Variants in SORT1 observed in about 807,000 individuals in gnomAD.
The protein encoded by SORT1 is sortilin 1.
Under a neutral mutation model 101.7 loss-of-function variants are expected in SORT1, and 39 were observed. That is an observed-to-expected ratio of 0.38 (90% confidence interval 0.30 to 0.50). The LOEUF is 0.50. Among genes scored for constraint, SORT1 ranks in the 20% least tolerant of loss-of-function variants. The pLI, the probability that SORT1 is intolerant of heterozygous loss-of-function variation, is 0.90. For missense variants in SORT1, 878 were observed against 1,040.4 expected (o/e 0.84, Z 2.15); for synonymous variants, 396 against 393.7 (o/e 1.01, Z -0.07).
At chr1:109,355,314 G>T in intron 4 of SORT1, 53 bp downstream of exon 4, 2 of 872,334 alleles carry the variant, frequency 2.3e-6, no homozygotes, top group Non-Finnish European at 4.0e-6. Context: ...ATATCTGACA[G>T]CTCTGCATGT....
intron 1 of SORT1, among the ~76,000 whole-genome samples, chr1:109,396,474 C>A (rs1022352628): frequency 1.3e-5 from 2 of 152,174 alleles, no homozygotes; most frequent in African/African-American, 2.4e-5. Flanking sequence ...GCTTGGCTAC[C>A]TTTACACAGC....
At chr1:109,367,372 T>G in intron 3 of SORT1, 36 bp downstream of exon 3, 1 of 1,185,004 alleles carries the variant, frequency 8.4e-7, no homozygotes, top group Non-Finnish European at 1.2e-6. Flanking sequence ...TCAATGTTAC[T>G]TAGTGAAATG....
intron 1 of SORT1, among the ~76,000 whole-genome samples, chr1:109,390,622 T>C (rs1212608485): frequency 6.6e-6 from 1 of 152,008 alleles, no homozygotes; most frequent in African/African-American, 2.4e-5. Flanking sequence ...TAAAAATGAT[T>C]TGAACTAACT....
chr1:109,385,540 T>C lies in SORT1; in HGVS notation c.306+12047A>G, dbSNP rs117646186. Among the ~76,000 whole-genome samples, 493 of 152,296 alleles carry C rather than the reference T, an allele frequency of 3.2e-3. 13 individuals carry two copies. In the East Asian group the frequency reaches 0.06, roughly 18 times the overall value. The stretch of plus-strand genomic sequence containing the variant: ...TTAGTTCATTTTAAAGAAAAGAAAG[T>C]GACAGAGAGATATGCTCCAGTTGCC... On this transcript the variant is annotated intron_variant, in intron 1 of 19. Transcript: ENST00000256637.
At chr1:109,323,588 GGAA>G (rs1647784928) in intron 14 of SORT1, among the ~76,000 whole-genome samples, 1 of 152,212 alleles carries the variant, frequency 6.6e-6, no homozygotes, top group South Asian at 2.1e-4. Context: ...ATTGGCTTAA[GGAA>G]GAAGGGAAAA....
chr1:109,338,467 G>C (rs1489846401), intron 10 of SORT1, among the ~76,000 whole-genome samples: 1 of 152,150 alleles, frequency 6.6e-6, no homozygotes, highest in Non-Finnish European at 1.5e-5. Context: ...CACTTTAAGA[G>C]TCTTTGTACT....
At chr1:109,315,161 AG>A (rs1658956854) in intron 17 of SORT1, among the ~76,000 whole-genome samples, 1 of 152,208 alleles carries the variant, frequency 6.6e-6, no homozygotes, top group African/African-American at 2.4e-5. Context: ...ACTCTAGAAC[AG>A]GGCCATTATC....
chr1:109,326,492 T>TAC (rs1648062832), intron 13 of SORT1, among the ~76,000 whole-genome samples: 2 of 66,116 alleles, frequency 3.0e-5, no homozygotes, highest in Non-Finnish European at 6.5e-5. Flanking sequence ...CACATATATA[T>TAC]ACACACATAT....
intron 1 of SORT1, among the ~76,000 whole-genome samples, chr1:109,394,208 T>G (rs1370811451): frequency 6.6e-6 from 1 of 152,164 alleles, no homozygotes; most frequent in Non-Finnish European, 1.5e-5. Context: ...TTTTTAGTAA[T>G]AGCCAGTATT....
intron 3 of SORT1, among the ~76,000 whole-genome samples, chr1:109,363,989 C>T (rs528526684): frequency 7.2e-5 from 11 of 152,184 alleles, no homozygotes; most frequent in South Asian, 4.1e-4. Flanking sequence ...TTACAGTTTC[C>T]GCCTAAACTC....
chr1:109,325,509 G>A (rs1647945372), intron 13 of SORT1, among the ~76,000 whole-genome samples: 1 of 151,762 alleles, frequency 6.6e-6, no homozygotes, highest in South Asian at 2.1e-4. Context: ...CAAAGTGCTG[G>A]GATTATAGGC....
At chr1:109,331,773 T>C (rs755476047) in intron 11 of SORT1, among the ~76,000 whole-genome samples, 1 of 152,024 alleles carries the variant, frequency 6.6e-6, no homozygotes, top group Non-Finnish European at 1.5e-5. Flanking sequence ...TGAGCTTATA[T>C]ATAAAAATCC....
intron 4 of SORT1, 42 bp downstream of exon 4, chr1:109,355,325 G>T: frequency 1.1e-6 from 1 of 938,810 alleles, no homozygotes; most frequent in Non-Finnish European, 1.8e-6. Flanking sequence ...CTCTGCATGT[G>T]GTATCAAGCA....
At chr1:109,325,231 C>CTTTTTTTTTTTT (rs35552184) in intron 13 of SORT1, 142 bp from the exon 14 acceptor site, 2 of 183,352 alleles carry the variant, frequency 1.1e-5, no homozygotes, top group African/African-American at 3.7e-5. Context: ...ATTATTTTAA[C>CTTTTTTTTTTTT]TTTTTTTTTT....
chr1:109,335,680 C>T (rs1298688332), intron 11 of SORT1, among the ~76,000 whole-genome samples: 1 of 152,024 alleles, frequency 6.6e-6, no homozygotes, highest in Admixed American at 6.5e-5. Context: ...TCCTTGCCTG[C>T]CAAGGCCTGT....
Position 109,312,485 on chromosome 1 carries a change from C to G in SORT1, c.*1558G>C, listed in dbSNP as rs1318318767. On this transcript the variant is annotated 3_prime_UTR_variant, in exon 20 of 20. Coordinates refer to ENST00000256637, the MANE Select transcript of SORT1 (RefSeq NM_002959.7). ...GAGAACTTAGCCATCTGCTCACATT[C>G]TGACTAAAGTTAATTTGGCACTTCA... The G allele has an allele frequency of 6.8e-6, 1 of 147,724 alleles. No homozygotes were observed. The highest frequency in any genetic ancestry group is 1.5e-5 in the Non-Finnish European group (1 of 67,368). The allele number at this position is 147,724 out of a possible 1,614,324, so 9.2% of individuals were successfully genotyped here.
At chr1:109,358,797 G>T (rs1330165849) in intron 3 of SORT1, among the ~76,000 whole-genome samples, 1 of 151,310 alleles carries the variant, frequency 6.6e-6, no homozygotes, top group African/African-American at 2.4e-5. Context: ...AGGTTGCAGT[G>T]AGCCGAGATC....
Position 109,313,984 on chromosome 1 carries a change from G to A in SORT1, c.*59C>T. The A allele has an allele frequency of 6.5e-7, 1 of 1,543,406 alleles. No homozygotes were observed. The highest frequency in any genetic ancestry group is 8.9e-7 in the Non-Finnish European group (1 of 1,119,362). ...TTTATTTCCTGAAGTTGGAGCCACA[G>A]GGAGTGTAAGAGGTACTGTGGTTCC... On this transcript the variant is annotated 3_prime_UTR_variant, in exon 20 of 20. Coordinates refer to ENST00000256637, the MANE Select transcript of SORT1 (RefSeq NM_002959.7).
intron 11 of SORT1, among the ~76,000 whole-genome samples, chr1:109,332,699 C>T (rs1027469786): frequency 2.6e-5 from 4 of 152,132 alleles, no homozygotes; most frequent in African/African-American, 9.7e-5. Context: ...TATCATGCTA[C>T]CTAATTTCAA....
Sources: gnomAD v4.1 joint callset for allele counts (sites outside exome capture counted in the v4.1 genomes callset) on GRCh38, gnomAD v4.1.1 for gene constraint, MANE v1.5 for transcripts, NCBI Gene and HGNC (gene_info 2026-07-23, HGNC 2026-07-21) for gene names.